KIRREL3: variants seen among roughly 807,000 people sequenced by gnomAD.
KIRREL3 encodes kin of IRRE-like protein 3.
KIRREL3 carries 36 observed loss-of-function variants against 89.7 expected under a neutral mutation model. The ratio of observed to expected loss-of-function variants is 0.40; its 90% confidence interval spans 0.31 to 0.53. KIRREL3 has a LOEUF of 0.53. Ranked by LOEUF, KIRREL3 falls within the 20% of genes least tolerant of loss-of-function variation. KIRREL3 has a pLI of 0.49. For synonymous variants in KIRREL3, 445 were observed against 441.4 expected, an observed-to-expected ratio of 1.01 and a Z score of -0.10; for missense variants, 864 against 1,056.6, an observed-to-expected ratio of 0.82 and a Z score of 2.53.
At chr11:126,706,446 C>T (rs1436001569) in intron 1 of KIRREL3, among the ~76,000 whole-genome samples, 1 of 152,188 alleles carries the variant, frequency 6.6e-6, no homozygotes, top group East Asian at 1.9e-4. Flanking sequence ...CAGCAATAGA[C>T]ATCCTGTGTG....
intron 1 of KIRREL3, among the ~76,000 whole-genome samples, chr11:126,584,053 T>C (rs1941697808): frequency 2.0e-5 from 3 of 152,238 alleles, no homozygotes; most frequent in African/African-American, 4.8e-5. Flanking sequence ...ACATTCAGCG[T>C]GCACAATCTG....
Position 126,475,603 on chromosome 11 carries a change from C to A in KIRREL3, c.434-2137G>T, listed in dbSNP as rs1957041881. Reference sequence around the variant, plus strand: ...CCTGGCTCAGGAACAGAGTCTGCCTCAGGCAACCCTGCCTGGCCCTGGGCT... The same window carrying A: ...CCTGGCTCAGGAACAGAGTCTGCCTAAGGCAACCCTGCCTGGCCCTGGGCT... On this transcript the variant is annotated intron_variant, in intron 4 of 16. Coordinates refer to ENST00000525144, the MANE Select transcript of KIRREL3 (RefSeq NM_032531.4). This position sits in a 1 kb window ranked among gnomAD's most constrained non-coding sequence, Gnocchi z 7.5. Among the ~76,000 whole-genome samples the A allele has an allele frequency of 6.6e-6, 1 of 152,152 alleles. No homozygotes were observed. Among genetic ancestry groups the A allele is most frequent in the Admixed American group, 6.5e-5 (1 of 15,284 alleles).
chr11:126,692,284 C>T (rs1946906748), intron 1 of KIRREL3, among the ~76,000 whole-genome samples: 1 of 152,008 alleles, frequency 6.6e-6, no homozygotes, highest in Admixed American at 6.5e-5. Context: ...GTGGTTCAGG[C>T]CTGTAATCCT....
rs1943285549 is a variant in KIRREL3 at position 126,615,016 on chromosome 11, G to A, written c.56-52104C>T. 6.6e-6 allele frequency among the ~76,000 whole-genome samples: 1 copy of A among 152,146 alleles called. No homozygotes were observed. The highest frequency in any genetic ancestry group is 6.5e-5 in the Admixed American group (1 of 15,268). On this transcript the variant is annotated intron_variant, in intron 1 of 16. Coordinates refer to ENST00000525144, the MANE Select transcript of KIRREL3 (RefSeq NM_032531.4). This position sits in a 1 kb window ranked among gnomAD's most constrained non-coding sequence, Gnocchi z 5.4. ...GACTTGGGGAGAGGCGTGATTTGCG[G>A]TCTTCAAGAGGCTGAAAGGCTGTCA...
rs920196595 is a variant in KIRREL3, at chr11:126,969,427, A to G, written c.55+31028T>C. Among the ~76,000 whole-genome samples the G allele has an allele frequency of 6.6e-6, 1 of 152,148 alleles. No homozygotes were observed. Among genetic ancestry groups the G allele is most frequent in the African/African-American group, 2.4e-5 (1 of 41,432 alleles). On this transcript the variant is annotated intron_variant, in intron 1 of 16. Transcript: ENST00000525144. The surrounding 1 kb of genome is among the most constrained non-coding windows in gnomAD (Gnocchi z 4.9). ...TGCTATGGGAACTCAGAGGAGGGAAAAAAGCCACTGAGGAGGTGACACCCA... is the reference window on the plus strand; with the variant it reads ...TGCTATGGGAACTCAGAGGAGGGAAGAAAGCCACTGAGGAGGTGACACCCA...
Position 126,553,068 on chromosome 11 carries a change from G to A in KIRREL3, c.133+9767C>T, listed in dbSNP as rs192725196. Among the ~76,000 whole-genome samples, 5 of 152,312 alleles carry A rather than the reference G, an allele frequency of 3.3e-5. No homozygotes were observed. The highest frequency in any genetic ancestry group is 2.1e-4 in the South Asian group (1 of 4,824). On this transcript the variant is annotated intron_variant, in intron 2 of 16. Coordinates refer to ENST00000525144, the MANE Select transcript of KIRREL3 (RefSeq NM_032531.4). This position sits in a 1 kb window ranked among gnomAD's most constrained non-coding sequence, Gnocchi z 4.7. ...TGTGTGTGAGCACACTCGTGAAGGC[G>A]TGCAAGCCAGCCCTTCATGCTTTTA... is the stretch of plus-strand genomic sequence containing the variant.
intron 1 of KIRREL3, among the ~76,000 whole-genome samples, chr11:126,779,521 C>T (rs971502073): frequency 1.3e-5 from 2 of 152,212 alleles, no homozygotes; most frequent in African/African-American, 4.8e-5. Flanking sequence ...AAATCTTGCC[C>T]AATCATTATA....
chr11:126,745,160 T>G (rs1362632728), intron 1 of KIRREL3, among the ~76,000 whole-genome samples: 1 of 152,108 alleles, frequency 6.6e-6, no homozygotes, highest in African/African-American at 2.4e-5. Context: ...CGGCCACACA[T>G]ACTGGTTTCT....
intron 1 of KIRREL3, among the ~76,000 whole-genome samples, chr11:126,816,842 C>T (rs1001760891): frequency 4.6e-5 from 7 of 152,138 alleles, no homozygotes; most frequent in South Asian, 2.1e-4. Context: ...AGGAAACAAA[C>T]GCAGGGAAGA....
chr11:126,765,106 T>A (rs571158581), intron 1 of KIRREL3, among the ~76,000 whole-genome samples: 2 of 152,188 alleles, frequency 1.3e-5, no homozygotes, highest in Non-Finnish European at 2.9e-5. Context: ...AAAGAGTTTC[T>A]GGAATCTTCA....
chr11:126,805,048 G>T lies in KIRREL3; in HGVS notation c.55+195407C>A, dbSNP rs576845574. On this transcript the variant is annotated intron_variant, in intron 1 of 16. Coordinates refer to ENST00000525144, the MANE Select transcript of KIRREL3 (RefSeq NM_032531.4). The surrounding 1 kb of genome is among the most constrained non-coding windows in gnomAD (Gnocchi z 4.3). ...TATCATTTAAGGAGCACAGTTCATA[G>T]GGTCTGAGGAGTTTTAGCAGGTGTG... Among the ~76,000 whole-genome samples, 1 of 152,212 alleles carries T rather than the reference G, an allele frequency of 6.6e-6. No individual in the cohort carries two copies. Among genetic ancestry groups the T allele is most frequent in the Non-Finnish European group, 1.5e-5 (1 of 68,030 alleles).
rs1647850797 is a variant in KIRREL3 at position 126,606,350 on chromosome 11, G to T, written c.56-43438C>A. Reference sequence around the variant, plus strand: ...TCTGGAGAATTTATGTAGTCTTTCTGTGTTTCAGTTTCCAAGTCTGTAAAA... The same window carrying T: ...TCTGGAGAATTTATGTAGTCTTTCTTTGTTTCAGTTTCCAAGTCTGTAAAA... On this transcript the variant is annotated intron_variant, in intron 1 of 16. Coordinates refer to ENST00000525144, the MANE Select transcript of KIRREL3 (RefSeq NM_032531.4). The surrounding 1 kb of genome is among the most constrained non-coding windows in gnomAD (Gnocchi z 4.6). Among the ~76,000 whole-genome samples, 1 of 152,186 alleles carries T rather than the reference G, an allele frequency of 6.6e-6. No individual in the cohort carries two copies. The highest frequency in any genetic ancestry group is 2.4e-5 in the African/African-American group (1 of 41,452).
chr11:126,552,558 T>A (rs923480344), intron 2 of KIRREL3, among the ~76,000 whole-genome samples: 1 of 75,282 alleles, frequency 1.3e-5, no homozygotes, highest in African/African-American at 6.1e-5. Flanking sequence ...AAGTTTTTTT[T>A]TTTTTTTTTT....
chr11:126,451,538 G>A (rs1303770666), intron 7 of KIRREL3, among the ~76,000 whole-genome samples: 1 of 138,692 alleles, frequency 7.2e-6, no homozygotes, highest in East Asian at 2.1e-4. Flanking sequence ...GCATGTGTGA[G>A]AGTGTGCATG....
At chr11:126,968,836 G>C (rs981945598) in intron 1 of KIRREL3, among the ~76,000 whole-genome samples, 4 of 152,084 alleles carry the variant, frequency 2.6e-5, no homozygotes, top group Admixed American at 6.5e-5. Context: ...GTAGATGAAA[G>C]TCCCAGTCCC....
chr11:126,661,073 C>G lies in KIRREL3; in HGVS notation c.56-98161G>C, dbSNP rs144136198. Among the ~76,000 whole-genome samples the G allele has an allele frequency of 1.2e-3, 180 of 152,194 alleles. No homozygotes were observed. The Middle Eastern group carries it at 0.031, about 26-fold the overall frequency. ...TGTCATATAACATCTTGGTGAAATA[C>G]CCCAAATAGATCTTAAAACCAAAAC... On this transcript the variant is annotated intron_variant, in intron 1 of 16. Coordinates refer to ENST00000525144, the MANE Select transcript of KIRREL3 (RefSeq NM_032531.4).
rs1187597503 is a variant in KIRREL3 at position 126,877,127 on chromosome 11, AGAG to A, written c.55+123325_55+123327del. 6.6e-6 allele frequency among the ~76,000 whole-genome samples: 1 copy of A among 152,140 alleles called. No homozygotes were observed. ...ATCTGACAGATGTTCCAAATGAGAA[AGAG>A]GAGGACAAGCAGACGTTCAGCTCTG... is the stretch of plus-strand genomic sequence containing the variant. On this transcript the variant is annotated intron_variant, in intron 1 of 16. Coordinates refer to ENST00000525144, the MANE Select transcript of KIRREL3 (RefSeq NM_032531.4). This position sits in a 1 kb window ranked among gnomAD's most constrained non-coding sequence, Gnocchi z 4.9.
Position 126,772,733 on chromosome 11 carries a change from C to G in KIRREL3, c.56-209821G>C, listed in dbSNP as rs1199860164. On this transcript the variant is annotated intron_variant, in intron 1 of 16. Transcript: ENST00000525144. This position sits in a 1 kb window ranked among gnomAD's most constrained non-coding sequence, Gnocchi z 4.6. Reference sequence around the variant, plus strand: ...AGGCCACAGGCCAGCAGGGAAGTCACTGCAGCCTCTGGGGGTGCCATCGTG... The same window carrying G: ...AGGCCACAGGCCAGCAGGGAAGTCAGTGCAGCCTCTGGGGGTGCCATCGTG... Among the ~76,000 whole-genome samples the G allele has an allele frequency of 2.0e-5, 3 of 152,240 alleles. No individual in the cohort carries two copies. The highest frequency in any genetic ancestry group is 4.4e-5 in the Non-Finnish European group (3 of 68,042).
chr11:126,631,406 C>A (rs1423200423), intron 1 of KIRREL3, among the ~76,000 whole-genome samples: 1 of 152,194 alleles, frequency 6.6e-6, no homozygotes, highest in African/African-American at 2.4e-5. Context: ...CACAAGGCAC[C>A]TATTCACAGA....
Sources: allele counts gnomAD v4.1 joint callset (sites outside exome capture counted in the v4.1 genomes callset), GRCh38; gene constraint gnomAD v4.1.1; non-coding constraint Gnocchi (gnomAD v3.1); transcripts MANE v1.5; gene names NCBI Gene and HGNC (gene_info 2026-07-23, HGNC 2026-07-21).